ZNF592: variants seen among roughly 807,000 people sequenced by gnomAD.
ZNF592 encodes the protein spinocerebellar ataxia, autosomal recessive 5.
ZNF592 carries 11 observed loss-of-function variants against 80.3 expected under a neutral mutation model. That is an observed-to-expected ratio of 0.14 (90% confidence interval 0.09 to 0.23). ZNF592 has a LOEUF of 0.23. Ranked by LOEUF, ZNF592 falls within the 10% of genes least tolerant of loss-of-function variation. The probability of loss-of-function intolerance (pLI) is 1.00; values close to 1 mark genes in which losing one functional copy is unlikely to be tolerated. For synonymous variants in ZNF592, 646 were observed against 640.3 expected (o/e 1.01, Z -0.13); for missense variants, 1,420 against 1,633.9 (o/e 0.87, Z 2.26).
intron 4 of ZNF592, among the ~76,000 whole-genome samples, chr15:84,786,541 G>A (rs933931619): frequency 6.6e-6 from 1 of 152,070 alleles, no homozygotes; most frequent in African/African-American, 2.4e-5. Context: ...GAGTTTGGCG[G>A]GCCTGTAGGG....
chr15:84,764,560 C>A, intron 1 of ZNF592, 147 bp from the exon 2 acceptor site: 1 of 379,560 alleles, frequency 2.6e-6, no homozygotes, highest in Non-Finnish European at 4.7e-6. Context: ...ACATTTGTGG[C>A]CTGCTTGAAT....
intron 1 of ZNF592, among the ~76,000 whole-genome samples, chr15:84,748,981 G>T (rs1016093404): frequency 1.3e-5 from 2 of 152,008 alleles, no homozygotes; most frequent in African/African-American, 2.4e-5. Flanking sequence ...ACGTGCGGCC[G>T]CCCTCGGCGA....
At chr15:84,790,242 C>G (rs1160321772) in intron 4 of ZNF592, among the ~76,000 whole-genome samples, 2 of 152,152 alleles carry the variant, frequency 1.3e-5, no homozygotes, top group Non-Finnish European at 2.9e-5. Flanking sequence ...TTGGAAGTCA[C>G]TGATCCACCT....
At chr15:84,786,304 A>G (rs917291722) in intron 4 of ZNF592, among the ~76,000 whole-genome samples, 7 of 152,212 alleles carry the variant, frequency 4.6e-5, no homozygotes, top group Non-Finnish European at 1.0e-4. Context: ...AGTTGCGCAG[A>G]GTGCCCCAGA....
chr15:84,802,383 C>T lies in ZNF592; in HGVS notation c.3794C>T (p.Pro1265Leu), dbSNP rs1382865902. Residue 1265 changes from proline to leucine, a missense_variant, in exon 11 of 11, where the codon CCT becomes CTT. Around this residue, in one of 7 missense-constraint regions of ZNF592, gnomAD observed 24 missense variants for 16.7 expected, o/e 1.44. Transcript: ENST00000560079. ...GACCAGGACAGCCACACACTGTCCC[C>T]TCAGGTGTGACCGGAGACTTTGCAG... is the stretch of plus-strand genomic sequence containing the variant. ...SQDQDSHTLSPQV is the reference protein window; with the variant it reads ...SQDQDSHTLSLQV 30 of 1,613,496 alleles carry T rather than the reference C, an allele frequency of 1.9e-5. No homozygotes were observed. The highest frequency in any genetic ancestry group is 3.3e-4 in the Middle Eastern group (2 of 6,084).
In ZNF592 at chr15:84,802,714, A is replaced by C; in HGVS notation, c.*321A>C. The C allele has an allele frequency of 1.0e-5, 4 of 389,076 alleles. No homozygotes were observed. Among genetic ancestry groups the C allele is most frequent in the South Asian group, 2.7e-5 (1 of 37,662 alleles). 24.1% of individuals were successfully genotyped at this position (389,076 alleles called of 1,614,324 possible). On this transcript the variant is annotated 3_prime_UTR_variant, in exon 11 of 11. Coordinates refer to ENST00000560079, the MANE Select transcript of ZNF592 (RefSeq NM_014630.3). ...CCCCACTGCTGTCAACTAGGCTTGAACCCCACAGCGGCTGTGCTCTTCTGG... is the reference window on the plus strand; with the variant it reads ...CCCCACTGCTGTCAACTAGGCTTGACCCCCACAGCGGCTGTGCTCTTCTGG...
chr15:84,801,742 C>T (rs929770097), intron 10 of ZNF592, 121 bp from the exon 11 acceptor site: 2 of 1,419,780 alleles, frequency 1.4e-6, no homozygotes, highest in African/African-American at 2.9e-5. Flanking sequence ...AACCAGCGTT[C>T]AGGGCTGGGG....
rs1434537182 is a variant in ZNF592, at chr15:84,783,211, G to A, written c.536G>A (p.Gly179Glu). 1 of 1,614,106 alleles carries A rather than the reference G, an allele frequency of 6.2e-7. No homozygotes were observed. The highest frequency in any genetic ancestry group is 8.5e-7 in the Non-Finnish European group (1 of 1,180,058). ...FPPPLGCGAVGGPVLEALAKF... is the reference protein window; with the variant it reads ...FPPPLGCGAVEGPVLEALAKF... ...CCCCCTCTTGGGTGCGGGGCTGTGG[G>A]AGGCCCAGTCCTGGAGGCTCTGGCT... The change falls in exon 4 of 11, where the codon GGA (glycine) becomes GAA (glutamate). Residue 179 changes from glycine to glutamate, a missense_variant. Around this residue, in one of 7 missense-constraint regions of ZNF592, gnomAD observed 373 missense variants for 355.5 expected, o/e 1.05. Coordinates refer to ENST00000560079, the MANE Select transcript of ZNF592 (RefSeq NM_014630.3). The surrounding 1 kb of genome is among the most constrained non-coding windows in gnomAD (Gnocchi z 5.0).
intron 10 of ZNF592, among the ~76,000 whole-genome samples, chr15:84,801,265 G>C (rs1188038350): frequency 6.6e-6 from 1 of 152,114 alleles, no homozygotes; most frequent in Non-Finnish European, 1.5e-5. Flanking sequence ...TAAGACTGCA[G>C]TGAGCTGTGA....
rs778816405 is a variant in ZNF592, at chr15:84,784,667, G to A, written c.1992G>A (p.Ser664=). The A allele has an allele frequency of 6.2e-6, 10 of 1,613,950 alleles. No individual in the cohort carries two copies. Among genetic ancestry groups the A allele is most frequent in the African/African-American group, 2.7e-5 (2 of 74,888 alleles). The change falls in exon 4 of 11, where the codon TCG becomes TCA. Residue 664 remains serine, a synonymous_variant. Transcript: ENST00000560079. This position sits in a 1 kb window ranked among gnomAD's most constrained non-coding sequence, Gnocchi z 5.8. ...KPISADQMFV[S]APVNSTAPAA... is the part of the protein sequence containing the mutation. ...TCTCTGCGGACCAAATGTTCGTGTC[G>A]GCCCCTGTGAACTCCACGGCACCAG...
At chr15:84,787,476 C>T (rs576471537) in intron 4 of ZNF592, among the ~76,000 whole-genome samples, 2 of 152,318 alleles carry the variant, frequency 1.3e-5, no homozygotes, top group East Asian at 1.9e-4. Context: ...CTAGCTTCAG[C>T]CCATGTGTCC....
At chr15:84,752,558 T>G (rs566270056) in intron 1 of ZNF592, among the ~76,000 whole-genome samples, 1 of 152,300 alleles carries the variant, frequency 6.6e-6, no homozygotes, top group African/African-American at 2.4e-5. Context: ...GGAGCCATGG[T>G]AGCCCCCAGT....
At chr15:84,763,683 T>C (rs1899416859) in intron 1 of ZNF592, among the ~76,000 whole-genome samples, 1 of 152,234 alleles carries the variant, frequency 6.6e-6, no homozygotes, top group Non-Finnish European at 1.5e-5. Flanking sequence ...TACATTAATA[T>C]TGTCTGTATT....
intron 2 of ZNF592, among the ~76,000 whole-genome samples, chr15:84,774,610 A>G (rs1962187563): frequency 6.6e-6 from 1 of 152,168 alleles, no homozygotes; most frequent in East Asian, 1.9e-4. Context: ...ATGAAGACAT[A>G]TATACGGATG....
At chr15:84,790,255 C>T (rs1479458764) in intron 4 of ZNF592, among the ~76,000 whole-genome samples, 1 of 152,148 alleles carries the variant, frequency 6.6e-6, no homozygotes, top group Non-Finnish European at 1.5e-5. Context: ...ATCCACCTGA[C>T]TCGAGGTGCT....
In ZNF592 at chr15:84,784,405, A is replaced by C; in HGVS notation, c.1730A>C (p.Asp577Ala). Reference sequence around the variant, plus strand: ...GCGCCAAATCTCAGCCCGCCTGCGGACAGCAGGATCCACGTGCCGGCCAGT... The same window carrying C: ...GCGCCAAATCTCAGCCCGCCTGCGGCCAGCAGGATCCACGTGCCGGCCAGT... ...LYAPNLSPPA[D>A]SRIHVPASGY... The change falls in exon 4 of 11, where the codon GAC becomes GCC. Residue 577 changes from aspartate to alanine, a missense_variant. Physicochemically the swap from Asp to Ala is moderately radical, Grantham distance 126 (BLOSUM62 -2). Around this residue, in one of 7 missense-constraint regions of ZNF592, gnomAD observed 524 missense variants for 628.3 expected, o/e 0.83. Transcript: ENST00000560079. This position sits in a 1 kb window ranked among gnomAD's most constrained non-coding sequence, Gnocchi z 5.8. 1 of 1,614,204 alleles carries C rather than the reference A, an allele frequency of 6.2e-7. No homozygotes were observed. Among genetic ancestry groups the C allele is most frequent in the Non-Finnish European group, 8.5e-7 (1 of 1,180,028 alleles).
chr15:84,798,030 C>T lies in ZNF592; in HGVS notation c.2561C>T (p.Pro854Leu), dbSNP rs1460744785. The T allele has an allele frequency of 6.2e-7, 1 of 1,613,848 alleles. No homozygotes were observed. The highest frequency in any genetic ancestry group is 8.5e-7 in the Non-Finnish European group (1 of 1,180,042). Residue 854 changes from proline to leucine, a missense_variant, in exon 6 of 11, where the codon CCC becomes CTC. By Grantham distance (98) the Pro-to-Leu change is moderately conservative. This residue lies in a region of ZNF592 where 331 missense variants were observed against 347.0 expected (regional missense o/e 0.95). Coordinates refer to ENST00000560079, the MANE Select transcript of ZNF592 (RefSeq NM_014630.3). This position sits in a 1 kb window ranked among gnomAD's most constrained non-coding sequence, Gnocchi z 4.5. ...DHSATQHPTQPHRPSQLIYKC... is the reference protein window; with the variant it reads ...DHSATQHPTQLHRPSQLIYKC... ...AGTGCCACCCAGCACCCCACCCAGC[C>T]CCACAGACCCTCCCAGTGAGTGCAG...
rs755960746 is a variant in ZNF592 at position 84,799,407 on chromosome 15, C to CCA, written c.3137+198_3137+199insAC. On this transcript the variant is annotated intron_variant, in intron 9 of 10. Coordinates refer to ENST00000560079, the MANE Select transcript of ZNF592 (RefSeq NM_014630.3). The surrounding 1 kb of genome is among the most constrained non-coding windows in gnomAD (Gnocchi z 4.2). ...CTTCCAGAACCTGGTAGCTCCTGAG[C>CCA]CCTCTCTCGTCACTCTCTAGCCCAG... Among the ~76,000 whole-genome samples the CCA allele has an allele frequency of 6.6e-6, 1 of 152,182 alleles. No individual in the cohort carries two copies. The highest frequency in any genetic ancestry group is 1.5e-5 in the Non-Finnish European group (1 of 68,030).
intron 2 of ZNF592, among the ~76,000 whole-genome samples, chr15:84,777,694 CTTTTT>C (rs397854471): frequency 1.0e-5 from 1 of 98,414 alleles, no homozygotes. Flanking sequence ...TGTTGAGATA[CTTTTT>C]TTTTTTTTTT....
Sources: allele counts gnomAD v4.1 joint callset (sites outside exome capture counted in the v4.1 genomes callset), GRCh38; gene constraint gnomAD v4.1.1; regional missense constraint gnomAD v4.1.1; non-coding constraint Gnocchi (gnomAD v3.1); transcripts MANE v1.5; gene names NCBI Gene and HGNC (gene_info 2026-07-23, HGNC 2026-07-21).